Variants in FRMD4A observed in about 807,000 individuals in gnomAD.
The protein encoded by FRMD4A is FERM domain-containing protein 4A.
A neutral mutation model predicts 129.1 loss-of-function variants in FRMD4A; 29 were observed. The observed-to-expected ratio is 0.22, with a 90% CI of 0.17 to 0.31. FRMD4A has a LOEUF of 0.31. Among genes scored for constraint, FRMD4A ranks in the 10% least tolerant of loss-of-function variants. The pLI, the probability that FRMD4A is intolerant of heterozygous loss-of-function variation, is 1.00. For missense variants in FRMD4A, 1,272 were observed against 1,375.8 expected (o/e 0.92, Z 1.19); for synonymous variants, 634 against 571.6 (o/e 1.11, Z -1.56).
At chr10:14,129,587 C>T (rs1169119546) in intron 2 of FRMD4A, among the ~76,000 whole-genome samples, 2 of 151,770 alleles carry the variant, frequency 1.3e-5, no homozygotes, top group Non-Finnish European at 2.9e-5. Context: ...AGGCCCGCCC[C>T]TGGAAACAGA....
chr10:13,740,844 T>TTTTTG (rs2090956346), intron 9 of FRMD4A, among the ~76,000 whole-genome samples: 1 of 149,634 alleles, frequency 6.7e-6, no homozygotes, highest in African/African-American at 2.5e-5. Flanking sequence ...TTTTTTTTTT[T>TTTTTG]GAGACGGAGT....
chr10:13,987,054 G>A (rs576870182), intron 2 of FRMD4A, among the ~76,000 whole-genome samples: 38 of 152,126 alleles, frequency 2.5e-4, no homozygotes, highest in Non-Finnish European at 4.6e-4. Context: ...ATAGATCTAG[G>A]CCCTCAGATC....
At chr10:14,040,217 C>T (rs1019633766) in intron 2 of FRMD4A, among the ~76,000 whole-genome samples, 2 of 152,080 alleles carry the variant, frequency 1.3e-5, no homozygotes, top group Non-Finnish European at 2.9e-5. Flanking sequence ...ATAATCACTG[C>T]TACACTGGGC....
chr10:13,687,163 T>G (rs1173310555), intron 15 of FRMD4A, among the ~76,000 whole-genome samples: 2 of 152,122 alleles, frequency 1.3e-5, no homozygotes, highest in Non-Finnish European at 2.9e-5. Flanking sequence ...AATGTGGTGG[T>G]GGGCAACTGT....
intron 16 of FRMD4A, among the ~76,000 whole-genome samples, chr10:13,672,124 C>T (rs1450783460): frequency 6.6e-5 from 10 of 152,212 alleles, no homozygotes; most frequent in Non-Finnish European, 1.3e-4. Context: ...CATGTGTACA[C>T]GTGACATGAG....
intron 2 of FRMD4A, chr10:14,083,804 G>A (rs901854918): frequency 1.3e-5 from 2 of 152,196 alleles, no homozygotes; most frequent in African/African-American, 4.8e-5. Context: ...ATCTTGGAAT[G>A]AGCATCATCC....
Position 14,018,210 on chromosome 10 carries a change from G to C in FRMD4A, c.46-159298C>G, listed in dbSNP as rs181078003. Among the ~76,000 whole-genome samples, 27 of 151,806 alleles carry C rather than the reference G, an allele frequency of 1.8e-4. No homozygotes were observed. In the East Asian group the frequency reaches 2.5e-3, roughly 14 times the overall value. On this transcript the variant is annotated intron_variant, in intron 2 of 24. Transcript: ENST00000357447. The stretch of plus-strand genomic sequence containing the variant: ...ATCTGTAATCCCAGCACTTTGGAAG[G>C]CCGAGGCAGGCAGATCAGAAGGTCA...
At chr10:13,975,719 T>G (rs2926389) in intron 2 of FRMD4A, among the ~76,000 whole-genome samples, 22,776 of 152,102 alleles carry the variant, frequency 0.15, 3,457 homozygotes, top group African/African-American at 0.37. Context: ...TCTGTGAATC[T>G]CTCTGAATCT....
chr10:13,700,576 CCT>C (rs796979322), intron 14 of FRMD4A, among the ~76,000 whole-genome samples: 62 of 152,226 alleles, frequency 4.1e-4, no homozygotes, highest in African/African-American at 1.4e-3. Flanking sequence ...GGGCTCTTCC[CCT>C]GAGGGAGAAT....
intron 2 of FRMD4A, among the ~76,000 whole-genome samples, chr10:13,944,300 G>A (rs539800906): frequency 3.6e-4 from 55 of 152,174 alleles, no homozygotes; most frequent in Admixed American, 9.2e-4. Flanking sequence ...AACCCTGTTC[G>A]TGAACTGTGC....
chr10:13,787,282 C>G (rs1180406606), intron 5 of FRMD4A, among the ~76,000 whole-genome samples: 1 of 152,142 alleles, frequency 6.6e-6, no homozygotes, highest in Admixed American at 6.6e-5. Context: ...TGGAGCTCAT[C>G]CTGAGCTTTC....
intron 2 of FRMD4A, among the ~76,000 whole-genome samples, chr10:14,127,795 C>T (rs1838927047): frequency 6.6e-6 from 1 of 152,196 alleles, no homozygotes; most frequent in East Asian, 1.9e-4. Context: ...ATCTCCTCCT[C>T]TTGGAATCCA....
chr10:14,145,482 G>A (rs1245326123), intron 2 of FRMD4A, among the ~76,000 whole-genome samples: 1 of 152,212 alleles, frequency 6.6e-6, no homozygotes, highest in African/African-American at 2.4e-5. Context: ...GATAGACCCA[G>A]GCTGGGGGTG....
At position 13,821,714 on chromosome 10, in the gene FRMD4A, G is replaced by A. The variant is rs911237282; in HGVS notation, c.112-10806C>T. On this transcript the variant is annotated intron_variant, in intron 3 of 24. Transcript: ENST00000357447. The surrounding 1 kb of genome is among the most constrained non-coding windows in gnomAD (Gnocchi z 4.3). ...AAGCAACTCGCCAAATTCACACAGCGAATCAGTGGGAGAACTGAACCGCGG... is the reference window on the plus strand; with the variant it reads ...AAGCAACTCGCCAAATTCACACAGCAAATCAGTGGGAGAACTGAACCGCGG... Among the ~76,000 whole-genome samples the A allele has an allele frequency of 9.9e-5, 15 of 152,146 alleles. No individual in the cohort carries two copies. The highest frequency in any genetic ancestry group is 4.1e-4 in the South Asian group (2 of 4,826).
chr10:14,042,643 G>C (rs1833822987), intron 2 of FRMD4A, among the ~76,000 whole-genome samples: 1 of 152,066 alleles, frequency 6.6e-6, no homozygotes, highest in Non-Finnish European at 1.5e-5. Context: ...TCTTTCCTGA[G>C]CACAGGTTAT....
intron 8 of FRMD4A, among the ~76,000 whole-genome samples, chr10:13,754,633 T>C (rs78494477): frequency 0.013 from 2,046 of 152,124 alleles, 81 homozygotes; most frequent in South Asian, 0.12. Flanking sequence ...ATGAGAATTA[T>C]ATTAATTTCA....
intron 2 of FRMD4A, among the ~76,000 whole-genome samples, chr10:14,263,433 G>A (rs1844872712): frequency 6.6e-6 from 1 of 152,160 alleles, no homozygotes; most frequent in Non-Finnish European, 1.5e-5. Flanking sequence ...TTAGGGAACT[G>A]TTTTTTTAAT....
chr10:13,883,454 T>C (rs7089483), intron 2 of FRMD4A, among the ~76,000 whole-genome samples: 65,857 of 151,830 alleles, frequency 0.43, 14,582 homozygotes, highest in East Asian at 0.68. Flanking sequence ...ATTGCACCAC[T>C]GCACTCCAGC....
chr10:14,063,953 C>A (rs902406032), intron 2 of FRMD4A, among the ~76,000 whole-genome samples: 6 of 152,146 alleles, frequency 3.9e-5, no homozygotes, highest in African/African-American at 1.4e-4. Context: ...GACTTCTGAG[C>A]CCTACTGAAC....
Sources: gnomAD v4.1 joint callset for allele counts (sites outside exome capture counted in the v4.1 genomes callset) on GRCh38, gnomAD v4.1.1 for gene constraint, Gnocchi (gnomAD v3.1) non-coding constraint, MANE v1.5 for transcripts, NCBI Gene and HGNC (gene_info 2026-07-23, HGNC 2026-07-21) for gene names.